VASH2: variants seen among roughly 807,000 people sequenced by gnomAD.
VASH2 encodes the protein vasohibin 2.
A neutral mutation model predicts 37.2 loss-of-function variants in VASH2; 28 were observed. That is an observed-to-expected ratio of 0.75 (90% confidence interval 0.56 to 1.03). The LOEUF is 1.03. VASH2 is among the 50% of genes least tolerant of loss of function. The pLI is 0.00. For missense variants in VASH2, 419 were observed against 459.1 expected (o/e 0.91, Z 0.80); for synonymous variants, 188 against 174.7 (o/e 1.08, Z -0.60).
intron 3 of VASH2, among the ~76,000 whole-genome samples, chr1:212,963,162 C>T (rs1339429131): frequency 6.6e-6 from 1 of 152,206 alleles, no homozygotes; most frequent in Non-Finnish European, 1.5e-5. Flanking sequence ...AACCTGACAG[C>T]ATATTCTCTG....
In VASH2 at chr1:212,990,225, G is replaced by C. The variant is rs997840426; in HGVS notation, c.*1641G>C. ...AAAGTACTGTTTTCTTAAAGAAGTC[G>C]AATGTCCTTTAGATGAACAAGACCA... On this transcript the variant is annotated 3_prime_UTR_variant, in exon 8 of 8. Transcript: ENST00000517399. 1 of 152,148 alleles carries C rather than the reference G, an allele frequency of 6.6e-6. No homozygotes were observed. The highest frequency in any genetic ancestry group is 6.5e-5 in the Admixed American group (1 of 15,274). 9.4% of individuals were successfully genotyped at this position (152,148 alleles called of 1,614,324 possible).
At position 212,951,521 on chromosome 1, in the gene VASH2, C is replaced by T. The variant is rs1318655854; in HGVS notation, c.-22C>T. Reference sequence around the variant, plus strand: ...CCGCCGCCGCGCGCCCCCAGTACCTCGCTCCCCGCCCAGGCCCCACCATGA... The same window carrying T: ...CCGCCGCCGCGCGCCCCCAGTACCTTGCTCCCCGCCCAGGCCCCACCATGA... On this transcript the variant is annotated 5_prime_UTR_variant, in exon 2 of 8. Transcript: ENST00000517399. The surrounding 1 kb of genome is among the most constrained non-coding windows in gnomAD (Gnocchi z 4.4). The T allele has an allele frequency of 8.3e-6, 11 of 1,318,188 alleles. No homozygotes were observed. The highest frequency in any genetic ancestry group is 1.1e-5 in the Non-Finnish European group (11 of 1,030,178). 81.7% of individuals were successfully genotyped at this position (1,318,188 alleles called of 1,614,324 possible). A position where few individuals can be genotyped will look rare whatever the true frequency, so the allele number is the denominator to read the frequency against.
intron 2 of VASH2, among the ~76,000 whole-genome samples, chr1:212,958,444 C>G (rs1558141918): frequency 6.6e-6 from 1 of 152,210 alleles, no homozygotes; most frequent in South Asian, 2.1e-4. Flanking sequence ...TGGGCGCCAT[C>G]GGGTTGCTAT....
chr1:212,951,654 T>C lies in VASH2; in HGVS notation c.112T>C (p.Ser38Pro). 1 of 1,588,466 alleles carries C rather than the reference T, an allele frequency of 6.3e-7. No homozygotes were observed. The highest frequency in any genetic ancestry group is 1.8e-5 in the Admixed American group (1 of 55,320). ...CGTGAGCCTCGCCACCAGCGGGGGC[T>C]CAGAGGAGGAGGACAAAGACGGCGG... is the stretch of plus-strand genomic sequence containing the variant. ...RPVSLATSGG[S>P]EEEDKDGGVL... The change falls in exon 2 of 8, where the codon TCA (serine) becomes CCA (proline). Residue 38 changes from serine to proline, a missense_variant. By Grantham distance (74) the Ser-to-Pro change is moderately conservative. Coordinates refer to ENST00000517399, the MANE Select transcript of VASH2 (RefSeq NM_001301056.2). The surrounding 1 kb of genome is among the most constrained non-coding windows in gnomAD (Gnocchi z 4.4).
At chr1:212,967,141 T>A (rs1271188323) in intron 5 of VASH2, 2 of 1,304,512 alleles carry the variant, frequency 1.5e-6, no homozygotes, top group South Asian at 2.5e-5. Flanking sequence ...AGGGTCTAGC[T>A]TCTCCCACAC....
chr1:212,958,064 C>T (rs1666550148), intron 2 of VASH2, among the ~76,000 whole-genome samples: 1 of 152,224 alleles, frequency 6.6e-6, no homozygotes, highest in South Asian at 2.1e-4. Flanking sequence ...TGCAGCTTGA[C>T]CAGGGCCCAC....
At chr1:212,976,461 T>C (rs529674634) in intron 7 of VASH2, among the ~76,000 whole-genome samples, 1 of 152,024 alleles carries the variant, frequency 6.6e-6, no homozygotes, top group South Asian at 2.1e-4. Context: ...TGCATGCCTG[T>C]AGTCCCAGCT....
chr1:212,966,215 G>T, intron 4 of VASH2, 56 bp from the exon 5 acceptor site: 1 of 1,461,414 alleles, frequency 6.8e-7, no homozygotes, highest in South Asian at 1.2e-5. Context: ...TTGACAGACT[G>T]ACCGAGTGTG....
At chr1:212,973,368 C>T (rs1233222974) in intron 6 of VASH2, 3 of 1,286,876 alleles carry the variant, frequency 2.3e-6, no homozygotes, top group African/African-American at 1.5e-5. Context: ...TCCCTCTTCT[C>T]TCTCTCAGTT....
chr1:212,963,860 A>C (rs1214146101), intron 3 of VASH2, among the ~76,000 whole-genome samples: 2 of 152,150 alleles, frequency 1.3e-5, no homozygotes, highest in Non-Finnish European at 2.9e-5. Context: ...CATAGAACTG[A>C]ATTTTTGCCA....
chr1:212,963,788 A>G (rs1202650562), intron 3 of VASH2, among the ~76,000 whole-genome samples: 1 of 151,626 alleles, frequency 6.6e-6, no homozygotes, highest in Non-Finnish European at 1.5e-5. Context: ...ATTTTACTCT[A>G]CGTTTGTCTC....
intron 7 of VASH2, among the ~76,000 whole-genome samples, chr1:212,978,711 C>T (rs1667251132): frequency 6.6e-6 from 1 of 152,114 alleles, no homozygotes; most frequent in Non-Finnish European, 1.5e-5. Context: ...GTTTTTTTTC[C>T]CCACAACTAG....
rs899745455 is a variant in VASH2 at position 212,990,602 on chromosome 1, T to C, written c.*2018T>C. 1.2e-4 allele frequency: 19 copies of C among 152,204 alleles called. No individual in the cohort carries two copies. Among genetic ancestry groups the C allele is most frequent in the African/African-American group, 4.6e-4 (19 of 41,452 alleles). The allele number at this position is 152,204 out of a possible 1,614,324, so 9.4% of individuals were successfully genotyped here. ...ATCTAAAATACAGAATGTCAAATGG[T>C]TGCATAGCTTGTTTCCCACAACAAG... On this transcript the variant is annotated 3_prime_UTR_variant, in exon 8 of 8. Coordinates refer to ENST00000517399, the MANE Select transcript of VASH2 (RefSeq NM_001301056.2).
chr1:212,978,719 T>A (rs2102653140), intron 7 of VASH2, among the ~76,000 whole-genome samples: 1 of 152,244 alleles, frequency 6.6e-6, no homozygotes, highest in South Asian at 2.1e-4. Context: ...TCCCCACAAC[T>A]AGGGCCGAGT....
intron 7 of VASH2, among the ~76,000 whole-genome samples, chr1:212,985,483 G>A (rs1037384168): frequency 6.7e-6 from 1 of 148,870 alleles, no homozygotes; most frequent in Non-Finnish European, 1.5e-5. Flanking sequence ...GCAGTGGCAC[G>A]ATCTTGGCTC....
At chr1:212,960,117 C>A (rs1324490199) in intron 2 of VASH2, among the ~76,000 whole-genome samples, 1 of 152,198 alleles carries the variant, frequency 6.6e-6, no homozygotes, top group Non-Finnish European at 1.5e-5. Context: ...ATTGGACGTC[C>A]CTGTCTGTTC....
At chr1:212,983,569 G>C (rs1243944986) in intron 7 of VASH2, among the ~76,000 whole-genome samples, 2 of 152,190 alleles carry the variant, frequency 1.3e-5, no homozygotes, top group Non-Finnish European at 2.9e-5. Flanking sequence ...CTGCACCGAG[G>C]ATCGAGTTTC....
At chr1:212,957,602 A>C (rs940595700) in intron 2 of VASH2, among the ~76,000 whole-genome samples, 4 of 151,460 alleles carry the variant, frequency 2.6e-5, no homozygotes, top group Non-Finnish European at 5.9e-5. Context: ...GGTGATGAAT[A>C]ATACACAGCT....
chr1:212,970,473 A>C (rs1187756597), intron 5 of VASH2, among the ~76,000 whole-genome samples: 1 of 152,116 alleles, frequency 6.6e-6, no homozygotes, highest in Non-Finnish European at 1.5e-5. Context: ...TGCCTTTCTT[A>C]TAACACACTT....
Sources: gnomAD v4.1 joint callset for allele counts (sites outside exome capture counted in the v4.1 genomes callset) on GRCh38, gnomAD v4.1.1 for gene constraint, Gnocchi (gnomAD v3.1) non-coding constraint, MANE v1.5 for transcripts, NCBI Gene and HGNC (gene_info 2026-07-23, HGNC 2026-07-21) for gene names.